The following RALYL variants were observed in gnomAD, a reference collection of about 807,000 sequenced individuals.
RALYL encodes the protein RALY RNA binding protein like.
In RALYL, 29 loss-of-function variants were observed where a neutral mutation model predicts 35.1. The ratio of observed to expected loss-of-function variants is 0.83; its 90% CI spans 0.61 to 1.13. The LOEUF is 1.13. Among genes scored for constraint, RALYL ranks in the 50% most tolerant of loss-of-function variants. The probability of loss-of-function intolerance (pLI) is 0.00; values close to 1 mark genes in which losing one functional copy is unlikely to be tolerated. For synonymous variants in RALYL, 120 were observed against 127.6 expected (o/e 0.94, Z 0.40); for missense variants, 359 against 360.4 (o/e 1.00, Z 0.03).
intron 2 of RALYL, among the ~76,000 whole-genome samples, chr8:84,617,064 C>A (rs1296525285): frequency 6.7e-6 from 1 of 150,164 alleles, no homozygotes; most frequent in Non-Finnish European, 1.5e-5. Context: ...AGGATTGACT[C>A]GGTGATGCAG....
chr8:84,219,608 T>A (rs1821689658), intron 1 of RALYL, among the ~76,000 whole-genome samples: 2 of 151,964 alleles, frequency 1.3e-5, no homozygotes, highest in Non-Finnish European at 2.9e-5. Flanking sequence ...TGTGTGTGTG[T>A]GAGTGTGTCT....
intron 4 of RALYL, among the ~76,000 whole-genome samples, chr8:84,811,284 G>C (rs141906428): frequency 6.6e-6 from 1 of 152,074 alleles, no homozygotes; most frequent in Non-Finnish European, 1.5e-5. Flanking sequence ...GCTTAGTTTC[G>C]CTGGATACAA....
chr8:84,803,517 T>C (rs549646285), intron 3 of RALYL, among the ~76,000 whole-genome samples: 170 of 152,316 alleles, frequency 1.1e-3, no homozygotes, highest in African/African-American at 3.8e-3. Context: ...GTGAATAATA[T>C]TGGAATTCAG....
At chr8:84,401,888 AG>A (rs1349590983) in intron 1 of RALYL, among the ~76,000 whole-genome samples, 1 of 125,388 alleles carries the variant, frequency 8.0e-6, no homozygotes, top group East Asian at 2.2e-4. Context: ...CTCTGCCTCA[AG>A]CACCTTTCTA....
At chr8:84,510,245 C>T (rs2057499954) in intron 1 of RALYL, among the ~76,000 whole-genome samples, 1 of 152,102 alleles carries the variant, frequency 6.6e-6, no homozygotes, top group African/African-American at 2.4e-5. Context: ...TAAATTTACA[C>T]TTGATCTTAG....
intron 3 of RALYL, among the ~76,000 whole-genome samples, chr8:84,788,082 C>T (rs2718977): frequency 0.27 from 41,605 of 151,948 alleles, 6,135 homozygotes; most frequent in African/African-American, 0.36. Flanking sequence ...TTTAATCATG[C>T]AGTCTTTGCC....
At chr8:84,490,330 G>A (rs561555981) in intron 1 of RALYL, among the ~76,000 whole-genome samples, 1 of 152,006 alleles carries the variant, frequency 6.6e-6, no homozygotes, top group African/African-American at 2.4e-5. Flanking sequence ...CATAAAGCAA[G>A]CAAATCCCTC....
At chr8:84,476,512 A>G (rs927887682) in intron 1 of RALYL, among the ~76,000 whole-genome samples, 4 of 152,194 alleles carry the variant, frequency 2.6e-5, no homozygotes, top group African/African-American at 9.6e-5. Flanking sequence ...CCTTAAGGTT[A>G]ACAGAAAGGT....
At chr8:84,791,907 TC>T (rs996326878) in intron 3 of RALYL, among the ~76,000 whole-genome samples, 2 of 152,064 alleles carry the variant, frequency 1.3e-5, no homozygotes, top group Admixed American at 6.5e-5. Context: ...GTTCCCTGTT[TC>T]CCCCCCGGCA....
At chr8:84,625,915 T>C (rs968421705) in intron 2 of RALYL, among the ~76,000 whole-genome samples, 20 of 152,082 alleles carry the variant, frequency 1.3e-4, no homozygotes, top group African/African-American at 4.6e-4. Context: ...GTGGTTGTCA[T>C]TGTGGTTGTG....
At chr8:84,392,059 G>A (rs755496215) in intron 1 of RALYL, among the ~76,000 whole-genome samples, 2 of 152,012 alleles carry the variant, frequency 1.3e-5, no homozygotes, top group African/African-American at 2.4e-5. Flanking sequence ...CAGCAAGAAC[G>A]CACTTAAAAG....
intron 1 of RALYL, among the ~76,000 whole-genome samples, chr8:84,523,718 A>C (rs1209009641): frequency 7.8e-6 from 1 of 128,164 alleles, no homozygotes; most frequent in Non-Finnish European, 1.6e-5. Flanking sequence ...TCCTGTGTCC[A>C]TGTGATCTCA....
intron 2 of RALYL, among the ~76,000 whole-genome samples, chr8:84,650,060 A>C (rs1564308175): frequency 6.6e-6 from 1 of 151,972 alleles, no homozygotes; most frequent in Admixed American, 6.6e-5. Flanking sequence ...ATGGGAGTTC[A>C]CTCATGATTT....
chr8:84,443,635 G>A (rs373394305), intron 1 of RALYL, among the ~76,000 whole-genome samples: 1 of 152,238 alleles, frequency 6.6e-6, no homozygotes, highest in South Asian at 2.1e-4. Context: ...TCACAATCTC[G>A]ATGCCTGTAG....
intron 8 of RALYL, among the ~76,000 whole-genome samples, chr8:84,908,879 C>T (rs536985920): frequency 7.5e-5 from 11 of 147,528 alleles, no homozygotes; most frequent in Non-Finnish European, 1.2e-4. Context: ...TTTTTTTTTG[C>T]GCAACTTTCT....
chr8:84,577,203 T>A (rs1483800364), intron 2 of RALYL, among the ~76,000 whole-genome samples: 1 of 152,236 alleles, frequency 6.6e-6, no homozygotes, highest in Non-Finnish European at 1.5e-5. Flanking sequence ...AAACAGTCAA[T>A]CTCACAGTTT....
intron 1 of RALYL, among the ~76,000 whole-genome samples, chr8:84,330,334 T>G (rs1245880352): frequency 1.3e-5 from 2 of 152,028 alleles, no homozygotes; most frequent in African/African-American, 4.8e-5. Context: ...ATACTACATC[T>G]TAAATGTTAT....
chr8:84,816,397 A>T (rs1424955804), intron 4 of RALYL, among the ~76,000 whole-genome samples: 1 of 152,196 alleles, frequency 6.6e-6, no homozygotes, highest in Non-Finnish European at 1.5e-5. Context: ...AATATGAATT[A>T]GTTGTATTTT....
intron 1 of RALYL, among the ~76,000 whole-genome samples, chr8:84,410,124 T>A (rs2132151980): frequency 6.6e-6 from 1 of 152,062 alleles, no homozygotes; most frequent in Admixed American, 6.6e-5. Context: ...AGATGTAGGT[T>A]TTTAATTGTT....
Sources: gnomAD v4.1 joint callset for allele counts (sites outside exome capture counted in the v4.1 genomes callset) on GRCh38, gnomAD v4.1.1 for gene constraint, MANE v1.5 for transcripts, NCBI Gene and HGNC (gene_info 2026-07-23, HGNC 2026-07-21) for gene names.